POU2F1: variants seen among roughly 807,000 people sequenced by gnomAD.
The protein encoded by POU2F1 is POU class 2 homeobox 1, also known as POU domain, class 2, transcription factor 1.
POU2F1 carries 16 observed loss-of-function variants against 84.9 expected under a neutral mutation model. The observed-to-expected ratio is 0.19, with a 90% CI of 0.13 to 0.29. POU2F1 has a LOEUF of 0.29. Among genes scored for constraint, POU2F1 ranks in the 10% least tolerant of loss-of-function variants. POU2F1 has a pLI of 1.00. For missense variants in POU2F1, 738 were observed against 942.6 expected, an observed-to-expected ratio of 0.78 and a Z score of 2.84; for synonymous variants, 368 against 368.3, an observed-to-expected ratio of 1.00 and a Z score of 0.01.
At chr1:167,368,888 C>T (rs1323156142) in intron 3 of POU2F1, among the ~76,000 whole-genome samples, 1 of 152,162 alleles carries the variant, frequency 6.6e-6, no homozygotes, top group Admixed American at 6.5e-5. Context: ...AAATGGAACT[C>T]ATTATCTTCT....
At chr1:167,338,339 T>C in intron 2 of POU2F1, 1 of 409,544 alleles carries the variant, frequency 2.4e-6, no homozygotes, top group South Asian at 1.8e-5. Context: ...TATACAAATA[T>C]GTTTTAGTCA....
At chr1:167,221,006 C>G in intron 1 of POU2F1, 48 bp downstream of exon 1, 1 of 1,449,888 alleles carries the variant, frequency 6.9e-7, no homozygotes, top group Non-Finnish European at 9.3e-7. Flanking sequence ...TCAACCCCGG[C>G]TCCCGCTGCC....
At chr1:167,396,640 C>T (rs1415652203) in intron 10 of POU2F1, 20 of 497,114 alleles carry the variant, frequency 4.0e-5, no homozygotes, top group East Asian at 6.9e-5. Context: ...AATAATTAGC[C>T]GTAATTTTTA....
chr1:167,412,121 C>T lies in POU2F1; in HGVS notation c.1718C>T (p.Ser573Phe), dbSNP rs752154911. Residue 573 changes from serine (S) to phenylalanine (F), a missense_variant, in exon 14 of 16, where the codon TCC (serine) becomes TTC (phenylalanine). Coordinates refer to ENST00000367866, the MANE Select transcript of POU2F1 (RefSeq NM_002697.4). ...GAGACCAGCACAACACAGACCACCT[C>T]CACTCCTTTGTCCTCCCCTCTTGGG... ...ASETSTTQTT[S>F]TPLSSPLGTS... 3.7e-6 allele frequency: 6 copies of T among 1,614,234 alleles called. No individual in the cohort carries two copies. The South Asian group carries it at 5.5e-5, about 15-fold the overall frequency.
chr1:167,374,791 G>C (rs1268377799), intron 6 of POU2F1, among the ~76,000 whole-genome samples: 2 of 152,210 alleles, frequency 1.3e-5, no homozygotes, highest in Non-Finnish European at 2.9e-5. Context: ...AGAAGCGCCA[G>C]GCGCGGTGGC....
chr1:167,306,533 G>A (rs79506399), intron 1 of POU2F1, among the ~76,000 whole-genome samples: 2,573 of 152,202 alleles, frequency 0.017, 73 homozygotes, highest in African/African-American at 0.058. Flanking sequence ...AACCTTGGGA[G>A]ACAGCATAAT....
Position 167,416,087 on chromosome 1 carries a change from T to TAAAAAAAAAAAA in POU2F1, c.*285_*296dup, listed in dbSNP as rs34032944. The TAAAAAAAAAAAA allele has an allele frequency of 2.5e-4, 88 of 351,644 alleles. No individual in the cohort carries two copies. Among genetic ancestry groups the TAAAAAAAAAAAA allele is most frequent in the Middle Eastern group, 7.5e-4 (1 of 1,340 alleles). The allele number at this position is 351,644 out of a possible 1,614,324, so 21.8% of individuals were successfully genotyped here. ...ATTGGAGAACTTTCTAACCAAAAAT[T>TAAAAAAAAAAAA]AAAAAAAAAAAAAAAAAAAGAAACA... On this transcript the variant is annotated 3_prime_UTR_variant, in exon 16 of 16. Transcript: ENST00000367866.
At chr1:167,231,212 A>G (rs1312340870) in intron 1 of POU2F1, among the ~76,000 whole-genome samples, 3 of 152,216 alleles carry the variant, frequency 2.0e-5, no homozygotes, top group African/African-American at 7.2e-5. Context: ...TTATGGGCTG[A>G]GCTAGGTGAA....
In POU2F1 at chr1:167,378,926, C is replaced by CTT. The variant is rs749278885; in HGVS notation, c.718+2785_718+2786dup. ...CGCCACCACACCCAGCTAATTTTGA[C>CTT]TTTTTTTTTTTTTTTGAGACAGAGT... On this transcript the variant is annotated intron_variant, in intron 7 of 15. Coordinates refer to ENST00000367866, the MANE Select transcript of POU2F1 (RefSeq NM_002697.4). 5.8e-5 allele frequency among the ~76,000 whole-genome samples: 8 copies of CTT among 138,416 alleles called. No homozygotes were observed. In the South Asian group the frequency reaches 6.8e-4, roughly 12 times the overall value. The allele number at this position is 138,416 out of a possible 152,430, so 90.8% of individuals were successfully genotyped here. A position where few individuals can be genotyped will look rare whatever the true frequency, so the allele number is the denominator to read the frequency against.
chr1:167,424,132 G>A lies in POU2F1; in HGVS notation c.*8322G>A, dbSNP rs371836817. Reference sequence around the variant, plus strand: ...GCCATGTCCTTGGTTCCATTCCTGCGTGAGTCTGCAGAAGGCACACACTTT... The same window carrying A: ...GCCATGTCCTTGGTTCCATTCCTGCATGAGTCTGCAGAAGGCACACACTTT... On this transcript the variant is annotated 3_prime_UTR_variant, in exon 16 of 16. Coordinates refer to ENST00000367866, the MANE Select transcript of POU2F1 (RefSeq NM_002697.4). The A allele has an allele frequency of 1.2e-4, 19 of 152,362 alleles. No homozygotes were observed. The highest frequency in any genetic ancestry group is 4.1e-4 in the African/African-American group (17 of 41,560). The allele number at this position is 152,362 out of a possible 1,614,324, so 9.4% of individuals were successfully genotyped here.
intron 1 of POU2F1, among the ~76,000 whole-genome samples, chr1:167,321,789 T>A (rs1221481150): frequency 6.6e-6 from 1 of 152,286 alleles, no homozygotes; most frequent in East Asian, 1.9e-4. Flanking sequence ...CCTTGCAGAT[T>A]TTTTCCTAGT....
chr1:167,321,818 C>G (rs1656331071), intron 1 of POU2F1, among the ~76,000 whole-genome samples: 1 of 152,072 alleles, frequency 6.6e-6, no homozygotes, highest in African/African-American at 2.4e-5. Context: ...AGGGACATAC[C>G]CCATTTCCTG....
chr1:167,327,873 G>A (rs1656812249), intron 1 of POU2F1, among the ~76,000 whole-genome samples: 1 of 152,080 alleles, frequency 6.6e-6, no homozygotes, highest in Admixed American at 6.6e-5. Flanking sequence ...AGTTCTCTGT[G>A]CCTCAGTTTC....
chr1:167,371,946 G>T lies in POU2F1; in HGVS notation c.312G>T (p.Ser104=), dbSNP rs547434928. Residue 104 remains serine (S), a synonymous_variant, in exon 5 of 16, where the codon TCG becomes TCT. Transcript: ENST00000367866. ...AATCTAATGAAGAATCGGGGGATTCGCAGCAGCCAAGCCAGCCTTCCCAGC... is the reference window on the plus strand; with the variant it reads ...AATCTAATGAAGAATCGGGGGATTCTCAGCAGCCAAGCCAGCCTTCCCAGC... ...QSKSNEESGD[S]QQPSQPSQQP... The T allele has an allele frequency of 2.7e-5, 43 of 1,614,098 alleles. No homozygotes were observed. The highest frequency in any genetic ancestry group is 1.7e-4 in the Admixed American group (10 of 60,022).
chr1:167,280,390 A>G (rs1281089348), intron 1 of POU2F1, among the ~76,000 whole-genome samples: 1 of 126,358 alleles, frequency 7.9e-6, no homozygotes, highest in African/African-American at 3.0e-5. Flanking sequence ...TTTAGTTTTT[A>G]TAGCTAGTCT....
rs1302276736 is a variant in POU2F1 at position 167,421,142 on chromosome 1, C to G, written c.*5332C>G. The G allele has an allele frequency of 6.6e-6, 1 of 152,152 alleles. No homozygotes were observed. The highest frequency in any genetic ancestry group is 1.5e-5 in the Non-Finnish European group (1 of 68,020). 9.4% of individuals were successfully genotyped at this position (152,152 alleles called of 1,614,324 possible). A position where few individuals can be genotyped will look rare whatever the true frequency, so the allele number is the denominator to read the frequency against. ...GTTTTACAACATTTTGAGGATGACA[C>G]TTTATAAAATGGTAAATCTTTCTCA... On this transcript the variant is annotated 3_prime_UTR_variant, in exon 16 of 16. Transcript: ENST00000367866.
At chr1:167,237,497 T>C (rs956254380) in intron 1 of POU2F1, among the ~76,000 whole-genome samples, 4 of 152,104 alleles carry the variant, frequency 2.6e-5, no homozygotes, top group Non-Finnish European at 5.9e-5. Context: ...TGCCGGTATG[T>C]TATTTTTACC....
At chr1:167,412,547 G>A (rs1203832806) in intron 14 of POU2F1, among the ~76,000 whole-genome samples, 1 of 152,094 alleles carries the variant, frequency 6.6e-6, no homozygotes, top group African/African-American at 2.4e-5. Context: ...CAAAATACCA[G>A]GTCACTAATT....
chr1:167,363,957 C>T (rs1003015706), intron 2 of POU2F1, among the ~76,000 whole-genome samples: 6 of 152,128 alleles, frequency 3.9e-5, no homozygotes, highest in African/African-American at 1.4e-4. Flanking sequence ...GACTGGTTTG[C>T]TCTGGATGTG....
Sources: allele counts gnomAD v4.1 joint callset (sites outside exome capture counted in the v4.1 genomes callset), GRCh38; gene constraint gnomAD v4.1.1; transcripts MANE v1.5; gene names NCBI Gene and HGNC (gene_info 2026-07-23, HGNC 2026-07-21).